Variants in CSMD1 observed in about 807,000 individuals in gnomAD.
CSMD1 encodes the protein CUB and Sushi multiple domains 1, also known as CUB and sushi domain-containing protein 1.
CSMD1 carries 213 observed loss-of-function variants against 417.5 expected under a neutral mutation model. That is an observed-to-expected ratio of 0.51 (90% CI 0.46 to 0.57). CSMD1 has a LOEUF of 0.57. Among genes scored for constraint, CSMD1 ranks in the 20% least tolerant of loss-of-function variants. CSMD1 has a pLI of 0.00. For synonymous variants in CSMD1, 2,862 were observed against 1,736.8 expected, an observed-to-expected ratio of 1.65 and a Z score of -16.11; for missense variants, 6,923 against 4,529.7, an observed-to-expected ratio of 1.53 and a Z score of -15.17.
At chr8:4,536,727 T>G (rs1291672016) in intron 2 of CSMD1, among the ~76,000 whole-genome samples, 1 of 152,230 alleles carries the variant, frequency 6.6e-6, no homozygotes, top group Non-Finnish European at 1.5e-5. Flanking sequence ...TATGCCACTT[T>G]TACTTTCAAC....
intron 5 of CSMD1, among the ~76,000 whole-genome samples, chr8:3,818,353 C>G (rs1801515303): frequency 6.6e-6 from 1 of 152,128 alleles, no homozygotes; most frequent in Admixed American, 6.6e-5. Flanking sequence ...AGAGCTAAAC[C>G]CCTTCCTAAG....
chr8:3,773,178 G>A (rs896299423), intron 5 of CSMD1, among the ~76,000 whole-genome samples: 3 of 152,150 alleles, frequency 2.0e-5, no homozygotes, highest in Non-Finnish European at 4.4e-5. Flanking sequence ...TGAACTCTAG[G>A]GGGACACTGA....
intron 3 of CSMD1, among the ~76,000 whole-genome samples, chr8:4,152,644 T>A (rs749818125): frequency 7.9e-5 from 12 of 151,984 alleles, no homozygotes; most frequent in Non-Finnish European, 1.6e-4. Flanking sequence ...GAGTCACGAT[T>A]GTGCCAGCGC....
intron 2 of CSMD1, among the ~76,000 whole-genome samples, chr8:4,504,423 A>G (rs558095685): frequency 6.6e-6 from 1 of 152,348 alleles, no homozygotes; most frequent in African/African-American, 2.4e-5. Context: ...TACAGCTGAC[A>G]ATAGTGGGTT....
At chr8:4,408,758 G>A (rs187688079) in intron 3 of CSMD1, among the ~76,000 whole-genome samples, 142 of 152,232 alleles carry the variant, frequency 9.3e-4, no homozygotes, top group African/African-American at 3.3e-3. Flanking sequence ...TATTGTGCAG[G>A]TGAGGCCATC....
intron 3 of CSMD1, among the ~76,000 whole-genome samples, chr8:4,397,038 AAAT>A (rs1230880076): frequency 2.7e-5 from 4 of 146,602 alleles, no homozygotes; most frequent in Admixed American, 7.2e-5. Flanking sequence ...ATTAAAAAAA[AAAT>A]AAAGAAAAAT....
At chr8:4,283,878 T>C (rs1431865403) in intron 3 of CSMD1, among the ~76,000 whole-genome samples, 1 of 152,222 alleles carries the variant, frequency 6.6e-6, no homozygotes, top group South Asian at 2.1e-4. Flanking sequence ...CAGGTCTTTC[T>C]CCATGTCTTA....
intron 4 of CSMD1, among the ~76,000 whole-genome samples, chr8:4,003,419 C>CAAATAAAT (rs139066084): frequency 1.2e-3 from 178 of 150,204 alleles, no homozygotes; most frequent in East Asian, 3.7e-3. Flanking sequence ...AAAAAACAAA[C>CAAATAAAT]AAATAAATAA....
At chr8:4,016,989 C>G (rs1796553890) in intron 4 of CSMD1, among the ~76,000 whole-genome samples, 1 of 152,096 alleles carries the variant, frequency 6.6e-6, no homozygotes, top group African/African-American at 2.4e-5. Context: ...CCTGAAATCA[C>G]AATAACAGAA....
chr8:4,663,277 T>G (rs1278915910), intron 1 of CSMD1, among the ~76,000 whole-genome samples: 1 of 152,164 alleles, frequency 6.6e-6, no homozygotes, highest in African/African-American at 2.4e-5. Context: ...TAACACAAAG[T>G]TAGGGACCAG....
rs78444163 is a variant in CSMD1 at position 3,322,608 on chromosome 8, G to C, written c.3632-14105C>G. Among the ~76,000 whole-genome samples the C allele has an allele frequency of 9.9e-5, 15 of 152,212 alleles. No homozygotes were observed. In the East Asian group the frequency reaches 2.3e-3, roughly 24 times the overall value. The stretch of plus-strand genomic sequence containing the variant: ...TTGGCCAGAATGTATAATGCACCAG[G>C]TTCCAGTAAAGTGACCAAAGTTGTA... On this transcript the variant is annotated intron_variant, in intron 23 of 69. Transcript: ENST00000635120.
intron 51 of CSMD1, among the ~76,000 whole-genome samples, chr8:3,019,523 G>C (rs1809174077): frequency 1.3e-5 from 2 of 152,134 alleles, no homozygotes; most frequent in South Asian, 4.1e-4. Flanking sequence ...TGTTTTTTTA[G>C]TTACTTGCAT....
rs73182059 is a variant in CSMD1, at chr8:4,012,223, G to A, written c.611-14113C>T. On this transcript the variant is annotated intron_variant, in intron 4 of 69. Coordinates refer to ENST00000635120, the MANE Select transcript of CSMD1 (RefSeq NM_033225.6). ...TGATTCTATGCCGTTTTACTCACTC[G>A]TCTCTTTAGATACTACTCTTCAGGC... 1.8e-3 allele frequency among the ~76,000 whole-genome samples: 267 copies of A among 151,932 alleles called. 2 individuals are homozygous for A. Among genetic ancestry groups the A allele is most frequent in the African/African-American group, 6.3e-3 (259 of 41,418 alleles).
intron 3 of CSMD1, among the ~76,000 whole-genome samples, chr8:4,071,285 T>G (rs572284408): frequency 6.6e-6 from 1 of 152,142 alleles, no homozygotes; most frequent in Non-Finnish European, 1.5e-5. Context: ...ATTTTTTCAG[T>G]CTTATTTTCT....
At chr8:3,379,651 G>A (rs960929888) in intron 18 of CSMD1, among the ~76,000 whole-genome samples, 2 of 152,116 alleles carry the variant, frequency 1.3e-5, no homozygotes, top group African/African-American at 4.8e-5. Context: ...ATGGGGAAAG[G>A]ATTCCGTATT....
chr8:4,692,378 G>A (rs1004444735), intron 1 of CSMD1, among the ~76,000 whole-genome samples: 7 of 152,122 alleles, frequency 4.6e-5, no homozygotes, highest in African/African-American at 1.7e-4. Context: ...AAAAACTGAG[G>A]TTCTGCTTCC....
chr8:3,656,292 T>A lies in CSMD1; in HGVS notation c.1010-39495A>T, dbSNP rs1364680353. ...AACGTGAGTTTACTCAACACAGAAA[T>A]ACTCTCTCAGAAGCTTAGGGCGAAA... is the stretch of plus-strand genomic sequence containing the variant. On this transcript the variant is annotated intron_variant, in intron 7 of 69. Coordinates refer to ENST00000635120, the MANE Select transcript of CSMD1 (RefSeq NM_033225.6). Among the ~76,000 whole-genome samples, 5 of 152,238 alleles carry A rather than the reference T, an allele frequency of 3.3e-5. 1 individual carries two copies. Among genetic ancestry groups the A allele is most frequent in the South Asian group, 4.2e-4 (2 of 4,816 alleles).
chr8:4,177,696 GA>G (rs1242554046), intron 3 of CSMD1, among the ~76,000 whole-genome samples: 4 of 143,590 alleles, frequency 2.8e-5, no homozygotes, highest in African/African-American at 1.0e-4. Context: ...GACTAACAAA[GA>G]AAAAAAGAGA....
intron 11 of CSMD1, among the ~76,000 whole-genome samples, chr8:3,491,971 A>C (rs1303183621): frequency 6.6e-6 from 1 of 152,184 alleles, no homozygotes; most frequent in Admixed American, 6.5e-5. Context: ...CCCGGCCTCC[A>C]CCCAATTTAT....
Sources: allele counts gnomAD v4.1 joint callset (sites outside exome capture counted in the v4.1 genomes callset), GRCh38; gene constraint gnomAD v4.1.1; transcripts MANE v1.5; gene names NCBI Gene and HGNC (gene_info 2026-07-23, HGNC 2026-07-21).